ATP11C: variants seen among roughly 807,000 people sequenced by gnomAD.
ATP11C encodes ATPase phospholipid transporting 11C (ATP11C blood group).
In ATP11C, 36 loss-of-function variants were observed where a neutral mutation model predicts 97.4. The ratio of observed to expected loss-of-function variants is 0.37; its 90% CI spans 0.28 to 0.49. ATP11C has a LOEUF of 0.49. Ranked by LOEUF, ATP11C falls within the 20% of genes least tolerant of loss-of-function variation. ATP11C has a pLI of 0.98. For missense variants in ATP11C, 730 were observed against 824.6 expected (o/e 0.89, Z 1.40); for synonymous variants, 275 against 290.9 (o/e 0.95, Z 0.56).
intron 19 of ATP11C, among the ~76,000 whole-genome samples, chrX:139,771,232 C>T (rs2082248685): frequency 9.0e-6 from 1 of 111,551 alleles, no homozygotes; most frequent in Admixed American, 9.5e-5. Context: ...CGGGTTTCCG[C>T]TTTTGCTTCT....
intron 26 of ATP11C, among the ~76,000 whole-genome samples, chrX:139,741,308 C>T (rs2081550603): frequency 1.8e-5 from 2 of 111,206 alleles, no homozygotes; most frequent in Non-Finnish European, 3.8e-5. Context: ...AACTGGCGTA[C>T]AGGCTGGAGG....
Position 139,800,059 on chromosome X carries a change from C to A in ATP11C, c.710+1G>T, listed in dbSNP as rs1203099951. The A allele has an allele frequency of 3.8e-6, 4 of 1,051,594 alleles. No individual in the cohort carries two copies. The highest frequency in any genetic ancestry group is 3.8e-6 in the Non-Finnish European group (3 of 791,307). 86.7% of individuals were successfully genotyped at this position (1,051,594 alleles called of 1,213,427 possible). ...ACAAATTAAAGAAACAGCAAACTTA[C>A]CTGGCAACAGCCTCAAGACTATTAC... On this transcript the variant is annotated splice_donor_variant, in intron 8 of 29. Transcript: ENST00000682941. LOFTEE classifies it high-confidence loss of function.
intron 6 of ATP11C, among the ~76,000 whole-genome samples, chrX:139,803,825 A>C (rs1215321523): frequency 9.7e-6 from 1 of 102,793 alleles, no homozygotes; most frequent in Non-Finnish European, 2.0e-5. Context: ...CAGCCTCCCG[A>C]GTAGCTGGAA....
In ATP11C at chrX:139,788,280, C is replaced by T. The variant is rs1045378104; in HGVS notation, c.1432G>A (p.Asp478Asn). 8.3e-7 allele frequency: 1 copy of T among 1,207,758 alleles called. No homozygotes were observed. ...LCHTVEIKTN[D>N]AVDGATESAE... ...GATTCTGTAGCTCCATCAACAGCAT[C>T]GTTTGTTTTGATTTCTACAGTATGA... The change falls in exon 14 of 30, where the codon GAT (aspartate) becomes AAT (asparagine). Residue 478 changes from aspartate to asparagine, a missense_variant. Physicochemically the swap from Asp to Asn is conservative, Grantham distance 23 (BLOSUM62 1). Transcript: ENST00000682941.
chrX:139,837,410 G>A (rs187048061), intron 1 of ATP11C, among the ~76,000 whole-genome samples: 9 of 112,064 alleles, frequency 8.0e-5, no homozygotes, highest in Non-Finnish European at 1.5e-4. Flanking sequence ...TGGAATGCAA[G>A]CAGCTTAGTT....
chrX:139,930,042 T>A (rs2085408289), intron 1 of ATP11C, among the ~76,000 whole-genome samples: 1 of 112,095 alleles, frequency 8.9e-6, no homozygotes, highest in African/African-American at 3.2e-5. Context: ...TACAAATTCC[T>A]GATACTTACC....
At chrX:139,859,624 AACCCTC>A (rs1569481321) in intron 1 of ATP11C, among the ~76,000 whole-genome samples, 1 of 112,233 alleles carries the variant, frequency 8.9e-6, no homozygotes, top group Non-Finnish European at 1.9e-5. Context: ...AGACATATTC[AACCCTC>A]ACGTAAACAG....
At chrX:139,858,923 A>G (rs2084137535) in intron 1 of ATP11C, among the ~76,000 whole-genome samples, 1 of 112,347 alleles carries the variant, frequency 8.9e-6, no homozygotes, top group Non-Finnish European at 1.9e-5. Flanking sequence ...TCTAACTCTA[A>G]AACACTTTCA....
chrX:139,926,072 G>A (rs937434829), intron 1 of ATP11C, among the ~76,000 whole-genome samples: 2 of 111,361 alleles, frequency 1.8e-5, no homozygotes, highest in African/African-American at 6.5e-5. Context: ...AGTTGTGCCA[G>A]TATGTTTTGT....
intron 19 of ATP11C, among the ~76,000 whole-genome samples, chrX:139,773,748 G>C (rs1203739131): frequency 1.8e-5 from 2 of 112,350 alleles, no homozygotes; most frequent in African/African-American, 3.2e-5. Flanking sequence ...TTTAAAGCTT[G>C]CTTAAACATT....
At chrX:139,880,459 T>C (rs759360147) in intron 1 of ATP11C, among the ~76,000 whole-genome samples, 18 of 111,708 alleles carry the variant, frequency 1.6e-4, no homozygotes, top group Non-Finnish European at 3.2e-4. Context: ...ATTCAATTCA[T>C]GTGTTTGGCT....
intron 24 of ATP11C, among the ~76,000 whole-genome samples, chrX:139,747,577 T>C (rs1185581642): frequency 2.7e-5 from 3 of 111,722 alleles, no homozygotes; most frequent in Non-Finnish European, 5.6e-5. Flanking sequence ...ATTACACCTG[T>C]TCCCTCTATA....
At chrX:139,743,661 TACAAG>T in intron 25 of ATP11C, 37 bp from the exon 26 acceptor site, 1 of 833,502 alleles carries the variant, frequency 1.2e-6, no homozygotes, top group Non-Finnish European at 1.7e-6. Flanking sequence ...ACCATGTATA[TACAAG>T]TATTATCTTA....
At chrX:139,744,874 T>C (rs1485565794) in intron 25 of ATP11C, among the ~76,000 whole-genome samples, 1 of 111,958 alleles carries the variant, frequency 8.9e-6, no homozygotes, top group Non-Finnish European at 1.9e-5. Flanking sequence ...AGGTTTTGAC[T>C]GTAGTGCCTA....
intron 1 of ATP11C, among the ~76,000 whole-genome samples, chrX:139,915,429 G>A (rs1045801616): frequency 5.4e-5 from 6 of 111,445 alleles, no homozygotes; most frequent in Non-Finnish European, 1.1e-4. Context: ...CAGCACTTTG[G>A]GAGGCCGAGG....
chrX:139,753,641 T>G (rs2081870137), intron 23 of ATP11C, among the ~76,000 whole-genome samples: 1 of 110,796 alleles, frequency 9.0e-6, no homozygotes, highest in East Asian at 2.9e-4. Context: ...AAACCCTATC[T>G]CTAATAAAAT....
chrX:139,800,224 T>C, intron 7 of ATP11C, 114 bp from the exon 8 acceptor site: 1 of 526,238 alleles, frequency 1.9e-6, no homozygotes, highest in East Asian at 3.8e-5. Context: ...GATAAAACTG[T>C]GAATGAACTA....
At chrX:139,740,363 A>G (rs1234420460) in intron 27 of ATP11C, among the ~76,000 whole-genome samples, 1 of 111,738 alleles carries the variant, frequency 8.9e-6, no homozygotes, top group African/African-American at 3.2e-5. Context: ...TCTCTAACCC[A>G]TAGAGTCTCA....
chrX:139,781,297 TATA>T (rs1006153235), intron 18 of ATP11C, among the ~76,000 whole-genome samples: 18 of 112,471 alleles, frequency 1.6e-4, no homozygotes, highest in Non-Finnish European at 2.8e-4. Context: ...AATTTTCATA[TATA>T]ATATTTAGAA....
Sources: allele counts gnomAD v4.1 joint callset (sites outside exome capture counted in the v4.1 genomes callset), GRCh38; gene constraint gnomAD v4.1.1; transcripts MANE v1.5; gene names NCBI Gene and HGNC (gene_info 2026-07-23, HGNC 2026-07-21).